Variants in MDGA2 observed in about 807,000 individuals in gnomAD.
The protein encoded by MDGA2 is MAM domain containing glycosylphosphatidylinositol anchor 2, also known as MAM domain-containing glycosylphosphatidylinositol anchor protein 2.
In MDGA2, 40 loss-of-function variants were observed where a neutral mutation model predicts 117.8. The ratio of observed to expected loss-of-function variants is 0.34; its 90% CI spans 0.26 to 0.44. MDGA2 has a LOEUF of 0.44. Ranked by LOEUF, MDGA2 falls within the 20% of genes least tolerant of loss-of-function variation. MDGA2 has a pLI of 1.00. For missense variants in MDGA2, 1,123 were observed against 1,250.6 expected (o/e 0.90, Z 1.54); for synonymous variants, 452 against 439.0 (o/e 1.03, Z -0.37).
intron 1 of MDGA2, among the ~76,000 whole-genome samples, chr14:47,418,158 C>A (rs552385861): frequency 1.3e-5 from 2 of 152,116 alleles, no homozygotes; most frequent in African/African-American, 2.4e-5. Flanking sequence ...CTCTCTGCAA[C>A]CTCTACCTCC....
intron 1 of MDGA2, among the ~76,000 whole-genome samples, chr14:47,377,573 C>A (rs567381837): frequency 2.0e-5 from 3 of 152,286 alleles, no homozygotes; most frequent in African/African-American, 7.2e-5. Context: ...ATATCCCATG[C>A]ATGGCTTTGA....
chr14:47,488,677 T>G (rs768713689), intron 1 of MDGA2, among the ~76,000 whole-genome samples: 39 of 152,082 alleles, frequency 2.6e-4, no homozygotes, highest in Non-Finnish European at 5.4e-4. Flanking sequence ...TAGAGATTTA[T>G]AAGTAAATCC....
chr14:47,567,573 T>A (rs1173919982), intron 1 of MDGA2, among the ~76,000 whole-genome samples: 1 of 152,182 alleles, frequency 6.6e-6, no homozygotes, highest in East Asian at 1.9e-4. Flanking sequence ...AATTAAGTCT[T>A]CCATTATGAG....
At chr14:46,918,464 T>C (rs142144899) in intron 10 of MDGA2, among the ~76,000 whole-genome samples, 28 of 152,294 alleles carry the variant, frequency 1.8e-4, no homozygotes, top group African/African-American at 6.5e-4. Context: ...ATTTGTTTTG[T>C]TGCTGCTATT....
intron 1 of MDGA2, among the ~76,000 whole-genome samples, chr14:47,440,157 C>T (rs1283049755): frequency 6.6e-6 from 1 of 151,974 alleles, no homozygotes; most frequent in Non-Finnish European, 1.5e-5. Flanking sequence ...GTCTCACTCC[C>T]AACAGCATAC....
chr14:47,366,119 T>C (rs1227863293), intron 1 of MDGA2, among the ~76,000 whole-genome samples: 2 of 152,180 alleles, frequency 1.3e-5, no homozygotes, highest in African/African-American at 4.8e-5. Context: ...ACAAGGTCTA[T>C]TCTTCCCACA....
chr14:47,384,687 G>T (rs1476307318), intron 1 of MDGA2, among the ~76,000 whole-genome samples: 1 of 152,194 alleles, frequency 6.6e-6, no homozygotes, highest in African/African-American at 2.4e-5. Context: ...GGGTGCCACA[G>T]TACTTCCATA....
At position 46,954,724 on chromosome 14, in the gene MDGA2, A is replaced by G. The variant is rs1033390267; in HGVS notation, c.2089+2650T>C. 2.0e-5 allele frequency among the ~76,000 whole-genome samples: 3 copies of G among 152,114 alleles called. No homozygotes were observed. In the South Asian group the frequency reaches 6.2e-4, roughly 32 times the overall value. The stretch of plus-strand genomic sequence containing the variant: ...CTCTCAAAATCCTTAACTTAATTAC[A>G]TATGTTGCCATATAAGTTAATATCC... On this transcript the variant is annotated intron_variant, in intron 9 of 16. Coordinates refer to ENST00000399232, the MANE Select transcript of MDGA2 (RefSeq NM_001113498.3).
chr14:47,303,754 T>G (rs914364456), intron 1 of MDGA2, among the ~76,000 whole-genome samples: 5 of 13,046 alleles, frequency 3.8e-4, no homozygotes, highest in African/African-American at 1.0e-3. Flanking sequence ...GTGATAGTGA[T>G]AGCCCACGTT....
At chr14:47,307,483 C>G (rs1230406119) in intron 1 of MDGA2, among the ~76,000 whole-genome samples, 2 of 152,066 alleles carry the variant, frequency 1.3e-5, no homozygotes, top group Admixed American at 6.6e-5. Context: ...GAGTTTGAGA[C>G]CAGCCTGGCT....
At chr14:47,019,821 A>T (rs921910575) in intron 8 of MDGA2, among the ~76,000 whole-genome samples, 1 of 150,860 alleles carries the variant, frequency 6.6e-6, no homozygotes, top group Non-Finnish European at 1.5e-5. Flanking sequence ...CCGGGGCGAC[A>T]GAGCGAGAGT....
chr14:47,559,043 A>T (rs989977438), intron 1 of MDGA2, among the ~76,000 whole-genome samples: 2 of 152,226 alleles, frequency 1.3e-5, no homozygotes, highest in Admixed American at 1.3e-4. Flanking sequence ...ACTTTAAAAC[A>T]TTAATCAATA....
At chr14:47,107,085 A>G (rs1432008189) in intron 5 of MDGA2, among the ~76,000 whole-genome samples, 19 of 133,138 alleles carry the variant, frequency 1.4e-4, no homozygotes, top group East Asian at 8.6e-4. Flanking sequence ...CACAAGTATA[A>G]GACACCTCTA....
At chr14:47,256,937 T>A (rs545477847) in intron 2 of MDGA2, among the ~76,000 whole-genome samples, 28 of 115,814 alleles carry the variant, frequency 2.4e-4, no homozygotes, top group South Asian at 7.9e-4. Flanking sequence ...ATGAAGGAAG[T>A]GAGGAATGGA....
chr14:47,486,521 G>T (rs1345039626), intron 1 of MDGA2, among the ~76,000 whole-genome samples: 1 of 152,052 alleles, frequency 6.6e-6, no homozygotes, highest in Non-Finnish European at 1.5e-5. Context: ...AGGCATGATT[G>T]GTTTTGAAAT....
intron 3 of MDGA2, among the ~76,000 whole-genome samples, chr14:47,181,343 C>T (rs886647091): frequency 2.0e-5 from 3 of 151,924 alleles, no homozygotes; most frequent in Admixed American, 2.0e-4. Flanking sequence ...GTTTGGTTTT[C>T]TGTTGTGTTT....
chr14:47,250,047 C>T lies in MDGA2; in HGVS notation c.421-31852G>A, dbSNP rs554917755. Among the ~76,000 whole-genome samples, 34 of 152,310 alleles carry T rather than the reference C, an allele frequency of 2.2e-4. No homozygotes were observed. In the South Asian group the frequency reaches 6.6e-3, roughly 30 times the overall value. On this transcript the variant is annotated intron_variant, in intron 2 of 16. Transcript: ENST00000399232. ...AGCATCAGAATGACATGGGTAGAGA[C>T]ACAAGATTATGAAGGAAATTCTGGA...
At chr14:47,588,984 A>G (rs1208179309) in intron 1 of MDGA2, among the ~76,000 whole-genome samples, 1 of 151,436 alleles carries the variant, frequency 6.6e-6, no homozygotes, top group Non-Finnish European at 1.5e-5. Context: ...CCATCTTTAC[A>G]TTTCCTCCTC....
At chr14:47,167,941 G>A (rs1883953154) in intron 3 of MDGA2, among the ~76,000 whole-genome samples, 1 of 152,016 alleles carries the variant, frequency 6.6e-6, no homozygotes, top group Non-Finnish European at 1.5e-5. Flanking sequence ...CTCTTTTATT[G>A]CATATTTCCA....
Sources: allele counts gnomAD v4.1 joint callset (sites outside exome capture counted in the v4.1 genomes callset), GRCh38; gene constraint gnomAD v4.1.1; transcripts MANE v1.5; gene names NCBI Gene and HGNC (gene_info 2026-07-23, HGNC 2026-07-21).